Variants in TSPAN3 observed in about 807,000 individuals in gnomAD.
The protein encoded by TSPAN3 is tetraspanin 3, also known as tetraspanin-3.
TSPAN3 carries 9 observed loss-of-function variants against 31.1 expected under a neutral mutation model. That is an observed-to-expected ratio of 0.29 (90% CI 0.17 to 0.50). The LOEUF (loss-of-function observed/expected upper bound fraction) is 0.50, where lower values mean the gene tolerates loss of function less well. TSPAN3 is among the 20% of genes least tolerant of loss of function. TSPAN3 has a pLI of 0.98. For synonymous variants in TSPAN3, 129 were observed against 114.3 expected, an observed-to-expected ratio of 1.13 and a Z score of -0.82; for missense variants, 252 against 313.5, an observed-to-expected ratio of 0.80 and a Z score of 1.48.
At chr15:77,052,752 C>T in intron 5 of TSPAN3, 25 bp downstream of exon 5, 1 of 1,608,360 alleles carries the variant, frequency 6.2e-7, no homozygotes, top group Non-Finnish European at 8.5e-7. Flanking sequence ...TCAAGCTAGA[C>T]TCAAGTCGTG....
chr15:77,056,090 G>T lies in TSPAN3; in HGVS notation c.229C>A (p.Arg77=). 6.2e-7 allele frequency: 1 copy of T among 1,610,806 alleles called. No homozygotes were observed. The highest frequency in any genetic ancestry group is 1.1e-5 in the South Asian group (1 of 90,598). ...IGLIGCCATI[R]ESRCGLATFV... is the part of the protein sequence containing the mutation. ...GTGGCAAGTCCACAGCGACTTTCCCGGATTGTGGCACAGCAGCCAATTAGC... is the reference window on the plus strand; with the variant it reads ...GTGGCAAGTCCACAGCGACTTTCCCTGATTGTGGCACAGCAGCCAATTAGC... The change falls in exon 2 of 7, where the codon CGG becomes AGG. Residue 77 remains arginine (R), a synonymous_variant. Transcript: ENST00000267970.
chr15:77,055,011 T>A, intron 3 of TSPAN3: 1 of 152,012 alleles, frequency 6.6e-6, no homozygotes, highest in East Asian at 1.9e-4. Flanking sequence ...AGATCATAGG[T>A]AGGGACATAA....
At position 77,052,869 on chromosome 15, in the gene TSPAN3, T is replaced by C. The variant is rs1596160187; in HGVS notation, c.493A>G (p.Thr165Ala). The change falls in exon 5 of 7, where the codon ACC (threonine) becomes GCC (alanine). Residue 165 changes from threonine to alanine, a missense_variant. Transcript: ENST00000267970. ...DWENTDWFKE[T>A]KNQSVPLSCC... is the part of the protein sequence containing the mutation. ...CTAAGAGGGACACTCTGGTTTTTGG[T>C]TTCTTTGAACCAATCTGTATTTTCC... The C allele has an allele frequency of 6.2e-7, 1 of 1,614,112 alleles. No homozygotes were observed. Among genetic ancestry groups the C allele is most frequent in the Middle Eastern group, 1.7e-4 (1 of 6,060 alleles).
At chr15:77,055,991 A>G (rs1409626690) in intron 2 of TSPAN3, 73 bp downstream of exon 2, 3 of 1,524,090 alleles carry the variant, frequency 2.0e-6, no homozygotes, top group Non-Finnish European at 2.6e-6. Context: ...CAACTATAAG[A>G]GCCAAGGAGT....
At chr15:77,061,215 A>C (rs1342440370) in intron 1 of TSPAN3, among the ~76,000 whole-genome samples, 1 of 152,186 alleles carries the variant, frequency 6.6e-6, no homozygotes, top group African/African-American at 2.4e-5. Flanking sequence ...TATTCTATGA[A>C]AGAGACAAGT....
chr15:77,051,685 G>GAAAAA (rs76151770), intron 6 of TSPAN3, among the ~76,000 whole-genome samples: 1 of 137,804 alleles, frequency 7.3e-6, no homozygotes, highest in African/African-American at 2.7e-5. Flanking sequence ...CCCATTTCTG[G>GAAAAA]AAAAAAAAAA....
At chr15:77,054,367 GT>G (rs2076754318) in intron 3 of TSPAN3, 88 bp from the exon 4 acceptor site, 1 of 925,052 alleles carries the variant, frequency 1.1e-6, no homozygotes, top group African/African-American at 1.6e-5. Context: ...TAAATGAAAT[GT>G]TTGCAAGTTG....
rs545536665 is a variant in TSPAN3 at position 77,045,555 on chromosome 15, C to G, written c.*1280G>C. On this transcript the variant is annotated 3_prime_UTR_variant, in exon 7 of 7. Transcript: ENST00000267970. Reference sequence around the variant, plus strand: ...GCTTTCCTGCTTCTCCAACTTCTTTCCCCAGCCTTGTATTTTAAGCTCCCT... The same window carrying G: ...GCTTTCCTGCTTCTCCAACTTCTTTGCCCAGCCTTGTATTTTAAGCTCCCT... The G allele has an allele frequency of 1.3e-5, 2 of 152,550 alleles. No individual in the cohort carries two copies. Among genetic ancestry groups the G allele is most frequent in the African/African-American group, 2.4e-5 (1 of 41,568 alleles). The allele number at this position is 152,550 out of a possible 1,614,324, so 9.4% of individuals were successfully genotyped here. A position where few individuals can be genotyped will look rare whatever the true frequency, so the allele number is the denominator to read the frequency against.
At chr15:77,062,250 A>C (rs1342827275) in intron 1 of TSPAN3, among the ~76,000 whole-genome samples, 1 of 152,236 alleles carries the variant, frequency 6.6e-6, no homozygotes, top group East Asian at 1.9e-4. Flanking sequence ...AAGTGTCTTA[A>C]AATCATCTTA....
chr15:77,069,211 GAATT>G (rs1233568968), intron 1 of TSPAN3, among the ~76,000 whole-genome samples: 1 of 152,176 alleles, frequency 6.6e-6, no homozygotes, highest in Non-Finnish European at 1.5e-5. Context: ...GATGCTATGA[GAATT>G]AATGACTTAA....
Position 77,044,058 on chromosome 15 carries a change from T to C in TSPAN3, c.*2777A>G, listed in dbSNP as rs2076675096. The C allele has an allele frequency of 6.6e-6, 1 of 152,222 alleles. No homozygotes were observed. The highest frequency in any genetic ancestry group is 2.1e-4 in the South Asian group (1 of 4,836). 9.4% of individuals were successfully genotyped at this position (152,222 alleles called of 1,614,324 possible). On this transcript the variant is annotated 3_prime_UTR_variant, in exon 7 of 7. Transcript: ENST00000267970. The stretch of plus-strand genomic sequence containing the variant: ...ACAGTTTTTATTCTTGCAACTTTTC[T>C]GTAGCTTTGAAATCATTTCCAAGTA...
intron 5 of TSPAN3, 87 bp from the exon 6 acceptor site, chr15:77,052,555 G>T: frequency 7.6e-7 from 1 of 1,309,500 alleles, no homozygotes; most frequent in Non-Finnish European, 1.1e-6. Flanking sequence ...TTACAGAAAG[G>T]AAAATGACAG....
chr15:77,051,773 G>C (rs1016146425), intron 6 of TSPAN3, among the ~76,000 whole-genome samples: 1 of 151,926 alleles, frequency 6.6e-6, no homozygotes, highest in Non-Finnish European at 1.5e-5. Context: ...CAGGAGGATC[G>C]CTTGAGCCCA....
chr15:77,054,475 A>T (rs796244933), intron 3 of TSPAN3, 196 bp from the exon 4 acceptor site: 12 of 438,324 alleles, frequency 2.7e-5, no homozygotes, highest in African/African-American at 2.2e-4. Context: ...GTGACAGGTA[A>T]AAATTCAGAC....
At chr15:77,053,471 A>C (rs1432810236) in intron 4 of TSPAN3, among the ~76,000 whole-genome samples, 2 of 85,026 alleles carry the variant, frequency 2.4e-5, no homozygotes, top group East Asian at 6.0e-4. Flanking sequence ...AAAAAAAAAA[A>C]AAAAAAAAAA....
rs2076738785 is a variant in TSPAN3 at position 77,052,471 on chromosome 15, G to A, written c.586-3C>T. 6.2e-7 allele frequency: 1 copy of A among 1,613,106 alleles called. No homozygotes were observed. The highest frequency in any genetic ancestry group is 8.5e-7 in the Non-Finnish European group (1 of 1,179,106). On this transcript the variant is annotated splice_region_variant and splice_polypyrimidine_tract_variant and intron_variant, in intron 5 of 6. Transcript: ENST00000267970. ...TTCACTACTAGAGCCTCACACCCCTGTAACAAACACAGTCATCCTCGTTAG... is the reference window on the plus strand; with the variant it reads ...TTCACTACTAGAGCCTCACACCCCTATAACAAACACAGTCATCCTCGTTAG...
rs1438049791 is a variant in TSPAN3, at chr15:77,044,918, G to C, written c.*1917C>G. On this transcript the variant is annotated 3_prime_UTR_variant, in exon 7 of 7. Transcript: ENST00000267970. ...ATTCTTGCCCACTGTGCAACAGGCA[G>C]GGGCAAGAGGTGGGATGGGTCAGTA... The C allele has an allele frequency of 6.6e-6, 1 of 152,290 alleles. No individual in the cohort carries two copies. The highest frequency in any genetic ancestry group is 2.4e-5 in the African/African-American group (1 of 41,566). The allele number at this position is 152,290 out of a possible 1,614,324, so 9.4% of individuals were successfully genotyped here.
At chr15:77,062,684 T>A (rs1165672350) in intron 1 of TSPAN3, among the ~76,000 whole-genome samples, 3 of 152,222 alleles carry the variant, frequency 2.0e-5, no homozygotes, top group African/African-American at 7.2e-5. Flanking sequence ...TATACCTACT[T>A]ATTCCACTTC....
At chr15:77,054,640 T>C in intron 3 of TSPAN3, 1 of 157,552 alleles carries the variant, frequency 6.3e-6, no homozygotes, top group Non-Finnish European at 1.4e-5. Context: ...TCATTTTCCT[T>C]TCCTAAAGGA....
Sources: allele counts gnomAD v4.1 joint callset (sites outside exome capture counted in the v4.1 genomes callset), GRCh38; gene constraint gnomAD v4.1.1; transcripts MANE v1.5; gene names NCBI Gene and HGNC (gene_info 2026-07-23, HGNC 2026-07-21).